GMDS: variants seen among roughly 807,000 people sequenced by gnomAD.
GMDS encodes GDP-mannose 4,6 dehydratase.
In GMDS, 20 loss-of-function variants were observed where a neutral mutation model predicts 49.9. The ratio of observed to expected loss-of-function variants is 0.40; its 90% confidence interval spans 0.28 to 0.58. The LOEUF (loss-of-function observed/expected upper bound fraction) is 0.58. GMDS is among the 20% of genes least tolerant of loss of function. The pLI is 0.42. For synonymous variants in GMDS, 177 were observed against 178.6 expected, an observed-to-expected ratio of 0.99 and a Z score of 0.07; for missense variants, 362 against 481.4, an observed-to-expected ratio of 0.75 and a Z score of 2.32.
rs142264522 is a variant in GMDS at position 1,703,627 on chromosome 6, C to T, written c.987+22789G>A. 3.8e-3 allele frequency among the ~76,000 whole-genome samples: 583 copies of T among 152,372 alleles called. 8 individuals are homozygous for T. The highest frequency in any genetic ancestry group is 0.024 in the Middle Eastern group (7 of 294). On this transcript the variant is annotated intron_variant, in intron 9 of 10. Coordinates refer to ENST00000380815, the MANE Select transcript of GMDS (RefSeq NM_001500.4). ...GCACGCTGGCCACTGTGCCTGGATG[C>T]GCCTGCTGGCATCTGCCGAGGTGTC...
chr6:1,768,514 T>A lies in GMDS; in HGVS notation c.772-25928A>T, dbSNP rs1333217123. Among the ~76,000 whole-genome samples the A allele has an allele frequency of 3.3e-5, 5 of 152,258 alleles. No homozygotes were observed. In the South Asian group the frequency reaches 1.0e-3, roughly 31 times the overall value. On this transcript the variant is annotated intron_variant, in intron 7 of 10. Transcript: ENST00000380815. Reference sequence around the variant, plus strand: ...CTGCTTCAACCAAGGAGGTACTACGTTTACTCATTCCTTCATGAATAAATG... The same window carrying A: ...CTGCTTCAACCAAGGAGGTACTACGATTACTCATTCCTTCATGAATAAATG...
intron 7 of GMDS, among the ~76,000 whole-genome samples, chr6:1,831,984 C>T (rs187347088): frequency 5.9e-5 from 9 of 152,038 alleles, no homozygotes; most frequent in Non-Finnish European, 1.0e-4. Context: ...TGGTTGATAA[C>T]GTCTTCAGAA....
chr6:1,993,954 C>T (rs1356835991), intron 4 of GMDS, among the ~76,000 whole-genome samples: 1 of 152,208 alleles, frequency 6.6e-6, no homozygotes, highest in Non-Finnish European at 1.5e-5. Flanking sequence ...TGCTCACCCA[C>T]TCCACACCTC....
At chr6:2,231,258 G>T (rs1042517378) in intron 1 of GMDS, among the ~76,000 whole-genome samples, 8 of 152,028 alleles carry the variant, frequency 5.3e-5, no homozygotes, top group Admixed American at 5.2e-4. Context: ...TCTTTGTGAG[G>T]TATGAAAAGT....
At chr6:2,140,683 T>A (rs1408242765) in intron 1 of GMDS, among the ~76,000 whole-genome samples, 43 of 152,234 alleles carry the variant, frequency 2.8e-4, no homozygotes, top group Admixed American at 2.7e-3. Flanking sequence ...AGTTTGGGAA[T>A]TCCTAACCCA....
intron 1 of GMDS, among the ~76,000 whole-genome samples, chr6:2,151,722 T>G (rs915460312): frequency 3.9e-5 from 6 of 152,148 alleles, no homozygotes; most frequent in African/African-American, 1.4e-4. Flanking sequence ...CTGGGTTTTC[T>G]ATATTTCAAT....
chr6:2,014,986 A>C (rs905598555), intron 4 of GMDS, among the ~76,000 whole-genome samples: 2 of 152,154 alleles, frequency 1.3e-5, no homozygotes, highest in African/African-American at 4.8e-5. Context: ...TGTAATGATA[A>C]AGGGGTCATT....
At position 1,775,683 on chromosome 6, in the gene GMDS, A is replaced by G. The variant is rs564582919; in HGVS notation, c.772-33097T>C. 2.7e-4 allele frequency among the ~76,000 whole-genome samples: 41 copies of G among 152,346 alleles called. No individual in the cohort carries two copies. In the East Asian group the frequency reaches 7.7e-3, roughly 29 times the overall value. ...GATATAAAAAAGGCAGTGTTTTGCCAGATAGTTTCCATGTTGCTGTGAAAT... is the reference window on the plus strand; with the variant it reads ...GATATAAAAAAGGCAGTGTTTTGCCGGATAGTTTCCATGTTGCTGTGAAAT... On this transcript the variant is annotated intron_variant, in intron 7 of 10. Transcript: ENST00000380815.
At position 1,823,515 on chromosome 6, in the gene GMDS, C is replaced by G. The variant is rs75976294; in HGVS notation, c.772-80929G>C. Among the ~76,000 whole-genome samples, 849 of 152,248 alleles carry G rather than the reference C, an allele frequency of 5.6e-3. 12 individuals are homozygous for G. The highest frequency in any genetic ancestry group is 0.02 in the African/African-American group (820 of 41,536). ...GGAAAGACCCTGGGCTCCTAGGACA[C>G]TACAAATGGCAGGTTCATCTTCTTC... On this transcript the variant is annotated intron_variant, in intron 7 of 10. Transcript: ENST00000380815.
At chr6:2,171,701 G>T (rs762266757) in intron 1 of GMDS, among the ~76,000 whole-genome samples, 21 of 152,140 alleles carry the variant, frequency 1.4e-4, no homozygotes, top group Non-Finnish European at 2.9e-4. Flanking sequence ...GAAATACATA[G>T]TGTGAAACTA....
intron 4 of GMDS, among the ~76,000 whole-genome samples, chr6:2,104,925 A>G (rs59366818): frequency 0.02 from 2,998 of 152,200 alleles, 71 homozygotes; most frequent in African/African-American, 0.058. Context: ...GCTCACGCCT[A>G]TAATCCCAGC....
At chr6:1,850,291 C>A (rs11963926) in intron 7 of GMDS, among the ~76,000 whole-genome samples, 4,286 of 152,270 alleles carry the variant, frequency 0.028, 199 homozygotes, top group African/African-American at 0.097. Context: ...AGGTTCTGCT[C>A]ATTAGAAACT....
At chr6:1,829,705 G>T (rs922134805) in intron 7 of GMDS, among the ~76,000 whole-genome samples, 1 of 152,236 alleles carries the variant, frequency 6.6e-6, no homozygotes, top group Non-Finnish European at 1.5e-5. Context: ...CTCCCAAAAT[G>T]CAGGGATTAC....
intron 4 of GMDS, among the ~76,000 whole-genome samples, chr6:2,109,401 G>A (rs1456165727): frequency 1.3e-5 from 2 of 152,148 alleles, no homozygotes; most frequent in African/African-American, 2.4e-5. Flanking sequence ...AGATATCTAG[G>A]GAAAAAGAGT....
chr6:1,969,186 C>T (rs1764446110), intron 4 of GMDS, among the ~76,000 whole-genome samples: 1 of 130,312 alleles, frequency 7.7e-6, no homozygotes, highest in Non-Finnish European at 1.6e-5. Context: ...GGTGTGAACC[C>T]GGGAGGCGGC....
chr6:2,062,740 CATT>C (rs1170833342), intron 4 of GMDS, among the ~76,000 whole-genome samples: 2 of 152,106 alleles, frequency 1.3e-5, no homozygotes, highest in Non-Finnish European at 2.9e-5. Flanking sequence ...AAGTTAATAG[CATT>C]AGTCTAAAAC....
chr6:1,657,462 G>A (rs1388795231), intron 9 of GMDS, among the ~76,000 whole-genome samples: 2 of 152,318 alleles, frequency 1.3e-5, no homozygotes, highest in Non-Finnish European at 2.9e-5. Context: ...GCAGATAGCC[G>A]CTGTATGGTA....
chr6:1,996,668 A>G (rs1766302161), intron 4 of GMDS, among the ~76,000 whole-genome samples: 1 of 152,114 alleles, frequency 6.6e-6, no homozygotes, highest in Non-Finnish European at 1.5e-5. Context: ...GCACCTTCCC[A>G]TCAAGAGGAT....
rs143586648 is a variant in GMDS at position 1,778,755 on chromosome 6, C to A, written c.772-36169G>T. ...AGCCTGCTGACGTTTGCAGCTCAGA[C>A]CTCAAAGCTCGTCGACAGCAGCAGC... On this transcript the variant is annotated intron_variant, in intron 7 of 10. Coordinates refer to ENST00000380815, the MANE Select transcript of GMDS (RefSeq NM_001500.4). The surrounding 1 kb of genome is among the most constrained non-coding windows in gnomAD (Gnocchi z 4.6). Among the ~76,000 whole-genome samples the A allele has an allele frequency of 8.1e-3, 1,240 of 152,286 alleles. 10 individuals carry two copies. Among genetic ancestry groups the A allele is most frequent in the Middle Eastern group, 0.02 (6 of 294 alleles).
Sources: gnomAD v4.1 joint callset for allele counts (sites outside exome capture counted in the v4.1 genomes callset) on GRCh38, gnomAD v4.1.1 for gene constraint, Gnocchi (gnomAD v3.1) non-coding constraint, MANE v1.5 for transcripts, NCBI Gene and HGNC (gene_info 2026-07-23, HGNC 2026-07-21) for gene names.